Variants in CRTC1 observed in about 807,000 individuals in gnomAD.
The protein encoded by CRTC1 is CREB regulated transcription coactivator 1, also known as CREB-regulated transcription coactivator 1.
A neutral mutation model predicts 66.1 loss-of-function variants in CRTC1; 18 were observed. The observed-to-expected ratio is 0.27, with a 90% CI of 0.19 to 0.40. The LOEUF (loss-of-function observed/expected upper bound fraction) is 0.40. Ranked by LOEUF, CRTC1 falls within the 10% of genes least tolerant of loss-of-function variation. CRTC1 has a pLI of 1.00. For missense variants in CRTC1, 669 were observed against 887.9 expected, an observed-to-expected ratio of 0.75 and a Z score of 3.13; for synonymous variants, 416 against 398.8, an observed-to-expected ratio of 1.04 and a Z score of -0.51.
rs983746473 is a variant in CRTC1, at chr19:18,778,950, GT to G, written c.*1572del. ...GACTTGGAGACACACAGCAGTGTGT[GT>G]TTTAGTGGCAGGTTTCAGGAGCACC... On this transcript the variant is annotated 3_prime_UTR_variant, in exon 14 of 14. Transcript: ENST00000321949. 6 of 231,588 alleles carry G rather than the reference GT, an allele frequency of 2.6e-5. No individual in the cohort carries two copies. Among genetic ancestry groups the G allele is most frequent in the African/African-American group, 4.4e-5 (2 of 45,224 alleles). 14.3% of individuals were successfully genotyped at this position (231,588 alleles called of 1,614,324 possible).
At chr19:18,763,834 C>T (rs1449953746) in intron 8 of CRTC1, among the ~76,000 whole-genome samples, 2 of 152,234 alleles carry the variant, frequency 1.3e-5, no homozygotes, top group Non-Finnish European at 2.9e-5. Flanking sequence ...CTGACCTGGG[C>T]ACTGAGCATC....
chr19:18,709,288 C>T (rs1388793195), intron 1 of CRTC1, among the ~76,000 whole-genome samples: 5 of 152,264 alleles, frequency 3.3e-5, no homozygotes, highest in African/African-American at 1.2e-4. Context: ...TTCCCCTCAC[C>T]TGGCCCCTCA....
At position 18,775,834 on chromosome 19, in the gene CRTC1, C is replaced by G; in HGVS notation, c.1693+13C>G. On this transcript the variant is annotated intron_variant, in intron 13 of 13. Coordinates refer to ENST00000321949, the MANE Select transcript of CRTC1 (RefSeq NM_015321.3). ...ATCATCCTCACAGGTGAGGCCAGGC[C>G]GGGGGCGCGTGTGCGGCGCCCCAAG... 6.4e-7 allele frequency: 1 copy of G among 1,564,084 alleles called. No homozygotes were observed. The highest frequency in any genetic ancestry group is 1.4e-5 in the African/African-American group (1 of 73,034).
chr19:18,700,664 C>CG (rs1238922234), intron 1 of CRTC1, among the ~76,000 whole-genome samples: 3 of 152,168 alleles, frequency 2.0e-5, no homozygotes, highest in Non-Finnish European at 4.4e-5. Flanking sequence ...GTCATTCGCC[C>CG]GGAAATCTCT....
chr19:18,758,186 C>A (rs1027015528), intron 6 of CRTC1, among the ~76,000 whole-genome samples: 1 of 150,606 alleles, frequency 6.6e-6, no homozygotes, highest in Admixed American at 6.6e-5. Context: ...ACGGTGAAAC[C>A]CCGTCTCTAC....
At chr19:18,717,568 G>A (rs1332534649) in intron 1 of CRTC1, among the ~76,000 whole-genome samples, 1 of 152,154 alleles carries the variant, frequency 6.6e-6, no homozygotes, top group Non-Finnish European at 1.5e-5. Flanking sequence ...GGGCACTGGG[G>A]CCCAGAGAGG....
At chr19:18,697,860 C>T (rs1166089509) in intron 1 of CRTC1, among the ~76,000 whole-genome samples, 1 of 152,260 alleles carries the variant, frequency 6.6e-6, no homozygotes, top group Non-Finnish European at 1.5e-5. Flanking sequence ...GATGGGGACA[C>T]AGCAGGCCTG....
intron 1 of CRTC1, among the ~76,000 whole-genome samples, chr19:18,728,528 A>G (rs2053811171): frequency 1.3e-5 from 2 of 151,836 alleles, no homozygotes; most frequent in Non-Finnish European, 2.9e-5. Context: ...TTTTTTGGAG[A>G]TGGAGTTTCC....
At chr19:18,747,137 C>CG (rs751368777) in intron 4 of CRTC1, 23 bp downstream of exon 4, 8 of 900,628 alleles carry the variant, frequency 8.9e-6, no homozygotes, top group South Asian at 2.6e-5. Flanking sequence ...ACACCCCCCC[C>CG]CCGCCCCCTT....
chr19:18,738,904 C>A (rs2054055088), intron 1 of CRTC1, among the ~76,000 whole-genome samples: 2 of 152,194 alleles, frequency 1.3e-5, no homozygotes, highest in African/African-American at 4.8e-5. Flanking sequence ...TAAGGAGGGG[C>A]CGTCAGGCCT....
At position 18,768,014 on chromosome 19, in the gene CRTC1, G is replaced by A. The variant is rs367836848; in HGVS notation, c.1012-471G>A. On this transcript the variant is annotated intron_variant, in intron 9 of 13. Transcript: ENST00000321949. This position sits in a 1 kb window ranked among gnomAD's most constrained non-coding sequence, Gnocchi z 5.6. ...GGCCTGAGCCAGCCCTTGGTGAGGG[G>A]CCATGCTGGTATCTCCAGCAACCCC... is the stretch of plus-strand genomic sequence containing the variant. Among the ~76,000 whole-genome samples the A allele has an allele frequency of 2.5e-4, 38 of 152,306 alleles. No individual in the cohort carries two copies. The highest frequency in any genetic ancestry group is 7.2e-4 in the African/African-American group (30 of 41,562).
At chr19:18,740,252 TAA>T (rs56087710) in intron 1 of CRTC1, among the ~76,000 whole-genome samples, 2 of 139,970 alleles carry the variant, frequency 1.4e-5, no homozygotes, top group Admixed American at 7.1e-5. Flanking sequence ...GACTCCATCT[TAA>T]AAAAAAAAAA....
intron 1 of CRTC1, among the ~76,000 whole-genome samples, chr19:18,740,830 ACT>A (rs1302432670): frequency 6.7e-6 from 1 of 149,906 alleles, no homozygotes; most frequent in East Asian, 2.0e-4. Context: ...ATGGTGAAAA[ACT>A]CTGTCTCTAC....
At chr19:18,774,201 C>G (rs764543213) in intron 11 of CRTC1, among the ~76,000 whole-genome samples, 1 of 152,198 alleles carries the variant, frequency 6.6e-6, no homozygotes, top group Non-Finnish European at 1.5e-5. Flanking sequence ...CAGACCTCAT[C>G]CCACCATCTC....
intron 1 of CRTC1, among the ~76,000 whole-genome samples, chr19:18,739,086 T>A (rs1227836817): frequency 6.6e-6 from 1 of 152,198 alleles, no homozygotes; most frequent in Non-Finnish European, 1.5e-5. Context: ...CAGATGCCCA[T>A]CTATCTGGCC....
chr19:18,699,498 C>T (rs1035521166), intron 1 of CRTC1, among the ~76,000 whole-genome samples: 5 of 152,100 alleles, frequency 3.3e-5, no homozygotes, highest in South Asian at 2.1e-4. Flanking sequence ...TGGGGTGGCC[C>T]GGTGAGTTCT....
At position 18,740,287 on chromosome 19, in the gene CRTC1, A is replaced by G. The variant is rs535128002; in HGVS notation, c.127-2623A>G. 7.6e-4 allele frequency among the ~76,000 whole-genome samples: 116 copies of G among 151,732 alleles called. 1 individual carries two copies. Among genetic ancestry groups the G allele is most frequent in the Middle Eastern group, 3.4e-3 (1 of 292 alleles). On this transcript the variant is annotated intron_variant, in intron 1 of 13. Transcript: ENST00000321949. ...AAAAATCACCCAAGGGAAGAGGCAG[A>G]TGGGCAGGGTCCAGGAGAAACCAGG...
chr19:18,735,759 C>T (rs1030782291), intron 1 of CRTC1: 2 of 153,180 alleles, frequency 1.3e-5, no homozygotes, highest in Admixed American at 1.3e-4. Context: ...TCCTCCTCCC[C>T]TGCAAGGCTC....
At chr19:18,755,133 C>T (rs534282307) in intron 6 of CRTC1, among the ~76,000 whole-genome samples, 7 of 151,612 alleles carry the variant, frequency 4.6e-5, no homozygotes, top group Non-Finnish European at 7.4e-5. Context: ...GGGTCACAGG[C>T]GTGTGCCACC....
Sources: allele counts gnomAD v4.1 joint callset (sites outside exome capture counted in the v4.1 genomes callset), GRCh38; gene constraint gnomAD v4.1.1; non-coding constraint Gnocchi (gnomAD v3.1); transcripts MANE v1.5; gene names NCBI Gene and HGNC (gene_info 2026-07-23, HGNC 2026-07-21).